MTHFD2L: variants seen among roughly 807,000 people sequenced by gnomAD.
The protein encoded by MTHFD2L is methylenetetrahydrofolate dehydrogenase (NADP+ dependent) 2 like.
MTHFD2L carries 29 observed loss-of-function variants against 34.9 expected under a neutral mutation model. The ratio of observed to expected loss-of-function variants is 0.83; its 90% confidence interval spans 0.62 to 1.13. The LOEUF (loss-of-function observed/expected upper bound fraction) is 1.13. Ranked by LOEUF, MTHFD2L falls within the 50% of genes most tolerant of loss-of-function variation. The pLI is 0.00. For synonymous variants in MTHFD2L, 167 were observed against 155.7 expected (o/e 1.07, Z -0.54); for missense variants, 481 against 446.5 (o/e 1.08, Z -0.70).
chr4:74,155,007 T>C (rs1724155772), upstream of MTHFD2L, among the ~76,000 whole-genome samples: 1 of 152,148 alleles, frequency 6.6e-6, no homozygotes, highest in Admixed American at 6.5e-5. Context: ...ACTCCAAAAA[T>C]GAGGAACCTG....
chr4:74,287,714 T>G (rs1320727319), intron 7 of MTHFD2L, among the ~76,000 whole-genome samples: 1 of 152,200 alleles, frequency 6.6e-6, no homozygotes, highest in Non-Finnish European at 1.5e-5. Flanking sequence ...GCCACTGCAC[T>G]CTAGCCTAGG....
chr4:74,148,019 C>T (rs1433717902), intron 1 of MTHFD2L, among the ~76,000 whole-genome samples: 1 of 152,046 alleles, frequency 6.6e-6, no homozygotes, highest in East Asian at 1.9e-4. Context: ...TAATCCATTT[C>T]TTTGATCCAT....
At chr4:74,241,101 C>T (rs1364156747) in intron 6 of MTHFD2L, among the ~76,000 whole-genome samples, 1 of 152,030 alleles carries the variant, frequency 6.6e-6, no homozygotes, top group African/African-American at 2.4e-5. Flanking sequence ...TCTTAATTAG[C>T]GCCAAGAGGA....
At chr4:74,196,306 G>A (rs1044444521) in intron 3 of MTHFD2L, among the ~76,000 whole-genome samples, 27 of 152,076 alleles carry the variant, frequency 1.8e-4, no homozygotes, top group Non-Finnish European at 2.8e-4. Context: ...GATTAGTAGT[G>A]AAAAAAATCA....
At chr4:74,250,555 T>C (rs1428758152) in intron 6 of MTHFD2L, among the ~76,000 whole-genome samples, 1 of 152,206 alleles carries the variant, frequency 6.6e-6, no homozygotes, top group Non-Finnish European at 1.5e-5. Context: ...CAAATTTCTA[T>C]TGAAATATTG....
chr4:74,283,052 T>A (rs1273308134), intron 7 of MTHFD2L, among the ~76,000 whole-genome samples: 1 of 152,200 alleles, frequency 6.6e-6, no homozygotes, highest in Non-Finnish European at 1.5e-5. Flanking sequence ...AACATTATAG[T>A]TATGCATTCA....
upstream of MTHFD2L, among the ~76,000 whole-genome samples, chr4:74,154,405 G>T (rs1724120225): frequency 6.6e-6 from 1 of 152,022 alleles, no homozygotes; most frequent in Non-Finnish European, 1.5e-5. Flanking sequence ...TCAGAGTGGA[G>T]TATCTACATA....
At chr4:74,136,040 T>G (rs1054125165) in intron 1 of MTHFD2L, among the ~76,000 whole-genome samples, 14 of 151,840 alleles carry the variant, frequency 9.2e-5, no homozygotes, top group African/African-American at 3.4e-4. Flanking sequence ...CAAGGAAAAA[T>G]TGAAGGCCTT....
chr4:74,202,245 A>G (rs905028837), intron 5 of MTHFD2L, among the ~76,000 whole-genome samples: 1 of 152,202 alleles, frequency 6.6e-6, no homozygotes, highest in African/African-American at 2.4e-5. Context: ...GTAGAAAGCA[A>G]TTAAGCACCC....
intron 6 of MTHFD2L, among the ~76,000 whole-genome samples, chr4:74,234,236 TTA>T (rs780468753): frequency 9.9e-5 from 15 of 152,088 alleles, no homozygotes; most frequent in Admixed American, 3.9e-4. Flanking sequence ...TTTAAAAGGT[TTA>T]TGTTAGGAAA....
At chr4:74,245,990 C>G (rs1742382234) in intron 6 of MTHFD2L, among the ~76,000 whole-genome samples, 1 of 148,178 alleles carries the variant, frequency 6.7e-6, no homozygotes, top group Admixed American at 6.8e-5. Flanking sequence ...TGGGTATATA[C>G]CCAGTAATGG....
intron 3 of MTHFD2L, among the ~76,000 whole-genome samples, chr4:74,199,393 G>A (rs941867492): frequency 6.6e-5 from 10 of 152,012 alleles, no homozygotes; most frequent in African/African-American, 9.7e-5. Context: ...TCCAATATTC[G>A]AAGTATTTAA....
chr4:74,146,266 A>G (rs1296347061), intron 1 of MTHFD2L, among the ~76,000 whole-genome samples: 1 of 152,218 alleles, frequency 6.6e-6, no homozygotes, highest in African/African-American at 2.4e-5. Context: ...CATTTCTAAG[A>G]TATTATCAGA....
intron 1 of MTHFD2L, among the ~76,000 whole-genome samples, chr4:74,126,707 C>T (rs1293428303): frequency 6.6e-6 from 1 of 152,024 alleles, no homozygotes; most frequent in East Asian, 1.9e-4. Flanking sequence ...ATATGGTGCC[C>T]TCCCTGAGCT....
intron 1 of MTHFD2L, among the ~76,000 whole-genome samples, chr4:74,168,272 T>C (rs1727183772): frequency 1.3e-5 from 2 of 152,214 alleles, no homozygotes; most frequent in Admixed American, 1.3e-4. Context: ...ACTTGTTCTT[T>C]CCACTGCAAC....
chr4:74,191,643 C>T (rs190987094), intron 3 of MTHFD2L, among the ~76,000 whole-genome samples: 129 of 152,106 alleles, frequency 8.5e-4, no homozygotes, highest in Non-Finnish European at 1.5e-3. Flanking sequence ...CTTCGCTTCC[C>T]GGGTTCAAGC....
upstream of MTHFD2L, among the ~76,000 whole-genome samples, chr4:74,153,934 T>G (rs933500444): frequency 2.0e-5 from 3 of 152,200 alleles, no homozygotes; most frequent in African/African-American, 7.2e-5. Flanking sequence ...ATTTAGATCT[T>G]CTTCGTTTTT....
chr4:74,245,025 T>A (rs886896962), intron 6 of MTHFD2L, among the ~76,000 whole-genome samples: 3 of 151,896 alleles, frequency 2.0e-5, no homozygotes, highest in Admixed American at 6.6e-5. Context: ...AAACCCCGTC[T>A]CTACTAAAAA....
chr4:74,118,059 C>T (rs1721684847), intron 2 of MTHFD2L, among the ~76,000 whole-genome samples: 1 of 152,072 alleles, frequency 6.6e-6, no homozygotes, highest in African/African-American at 2.4e-5. Flanking sequence ...ACTTACAACT[C>T]CTACAACCGT....
Sources: gnomAD v4.1 joint callset for allele counts (sites outside exome capture counted in the v4.1 genomes callset) on GRCh38, gnomAD v4.1.1 for gene constraint, MANE v1.5 for transcripts, NCBI Gene and HGNC (gene_info 2026-07-23, HGNC 2026-07-21) for gene names.